The following AMPH variants were observed in gnomAD, a reference collection of about 807,000 sequenced individuals.
AMPH encodes the protein amphiphysin, also known as amphiphysin (Stiff-Mann syndrome with breast cancer 128kD autoantigen).
In AMPH, 49 loss-of-function variants were observed where a neutral mutation model predicts 99.1. That is an observed-to-expected ratio of 0.49 (90% confidence interval 0.39 to 0.63). The LOEUF is 0.63. AMPH is among the 20% of genes least tolerant of loss of function. AMPH has a pLI of 0.00. For missense variants in AMPH, 759 were observed against 863.4 expected, an observed-to-expected ratio of 0.88 and a Z score of 1.52; for synonymous variants, 314 against 317.3, an observed-to-expected ratio of 0.99 and a Z score of 0.11.
intron 20 of AMPH, among the ~76,000 whole-genome samples, chr7:38,385,641 A>C (rs564208450): frequency 6.6e-6 from 1 of 152,346 alleles, no homozygotes; most frequent in Admixed American, 6.5e-5. Flanking sequence ...TATCCTTTAT[A>C]AATTATTCCT....
At chr7:38,541,278 G>GTTT (rs1790801023) in intron 1 of AMPH, among the ~76,000 whole-genome samples, 2 of 148,336 alleles carry the variant, frequency 1.3e-5, no homozygotes, top group African/African-American at 5.0e-5. Context: ...GAGGCCATCA[G>GTTT]GGGAGGTAAG....
chr7:38,437,667 G>C (rs1378763461), intron 11 of AMPH, among the ~76,000 whole-genome samples: 2 of 138,904 alleles, frequency 1.4e-5, no homozygotes, highest in African/African-American at 5.5e-5. Flanking sequence ...AGTTGGGCAT[G>C]GTGGTGCATG....
intron 17 of AMPH, among the ~76,000 whole-genome samples, chr7:38,396,600 T>C (rs1217900341): frequency 6.6e-6 from 1 of 152,228 alleles, no homozygotes; most frequent in East Asian, 1.9e-4. Flanking sequence ...ATGCTGATCA[T>C]TATTGAAGTG....
chr7:38,443,667 CTT>C (rs1177161762), intron 11 of AMPH, among the ~76,000 whole-genome samples: 1 of 152,022 alleles, frequency 6.6e-6, no homozygotes, highest in Non-Finnish European at 1.5e-5. Context: ...GTTTAAAACT[CTT>C]TAAGTAGGAA....
At chr7:38,448,001 T>C (rs1371195201) in intron 11 of AMPH, among the ~76,000 whole-genome samples, 3 of 152,146 alleles carry the variant, frequency 2.0e-5, no homozygotes, top group African/African-American at 7.2e-5. Flanking sequence ...GACAGAGAGG[T>C]TAAATAAAAT....
chr7:38,588,972 A>G (rs1792761410), intron 1 of AMPH, among the ~76,000 whole-genome samples: 1 of 152,194 alleles, frequency 6.6e-6, no homozygotes, highest in Non-Finnish European at 1.5e-5. Context: ...TCAAACAAAT[A>G]TAATTAATTG....
intron 2 of AMPH, among the ~76,000 whole-genome samples, chr7:38,521,446 G>A (rs1216723287): frequency 9.2e-5 from 14 of 152,106 alleles, no homozygotes; most frequent in African/African-American, 2.2e-4. Flanking sequence ...GCTTGAACCC[G>A]GCGGGCAGAG....
At chr7:38,470,138 G>C (rs985943964) in intron 7 of AMPH, among the ~76,000 whole-genome samples, 1 of 151,968 alleles carries the variant, frequency 6.6e-6, no homozygotes, top group African/African-American at 2.4e-5. Flanking sequence ...CTGATCCCCT[G>C]TTTGCCCCAC....
chr7:38,540,087 A>G (rs1406029268), intron 1 of AMPH, among the ~76,000 whole-genome samples: 1 of 152,194 alleles, frequency 6.6e-6, no homozygotes, highest in Non-Finnish European at 1.5e-5. Context: ...GAGGATTACT[A>G]TGTATTTATG....
intron 5 of AMPH, among the ~76,000 whole-genome samples, chr7:38,480,405 C>G (rs6955238): frequency 0.035 from 5,292 of 152,086 alleles, 277 homozygotes; most frequent in African/African-American, 0.12. Flanking sequence ...CTTTGCTCAC[C>G]TCATCCAATC....
intron 1 of AMPH, among the ~76,000 whole-genome samples, chr7:38,597,083 A>C (rs1288321125): frequency 6.6e-6 from 1 of 152,230 alleles, no homozygotes; most frequent in Non-Finnish European, 1.5e-5. Context: ...AGTCAGGATA[A>C]ACCTCTGAGC....
At chr7:38,558,171 T>A (rs1791431023) in intron 1 of AMPH, among the ~76,000 whole-genome samples, 1 of 152,212 alleles carries the variant, frequency 6.6e-6, no homozygotes, top group Non-Finnish European at 1.5e-5. Context: ...AAGTAAAGAA[T>A]CTTCCTGAAC....
At chr7:38,584,595 T>C (rs13242776) in intron 1 of AMPH, among the ~76,000 whole-genome samples, 16,197 of 152,262 alleles carry the variant, frequency 0.11, 1,201 homozygotes, top group Admixed American at 0.21. Flanking sequence ...ATTCCTGAAC[T>C]GGTAGGTCAC....
intron 1 of AMPH, among the ~76,000 whole-genome samples, chr7:38,552,176 A>G (rs1360751274): frequency 6.6e-6 from 1 of 152,238 alleles, no homozygotes; most frequent in Non-Finnish European, 1.5e-5. Context: ...CCCTTTTGTC[A>G]AAAATGAGTA....
At chr7:38,573,975 C>T (rs1792140714) in intron 1 of AMPH, among the ~76,000 whole-genome samples, 1 of 152,182 alleles carries the variant, frequency 6.6e-6, no homozygotes, top group Non-Finnish European at 1.5e-5. Flanking sequence ...TGACCACTTG[C>T]TAATAAGTGG....
chr7:38,385,035 G>A, intron 20 of AMPH, 110 bp from the exon 21 acceptor site: 2 of 961,072 alleles, frequency 2.1e-6, no homozygotes, highest in East Asian at 2.5e-5. Context: ...GAACCAGGAT[G>A]TCACATTACA....
At chr7:38,529,554 C>T (rs1790316758) in intron 2 of AMPH, among the ~76,000 whole-genome samples, 1 of 152,220 alleles carries the variant, frequency 6.6e-6, no homozygotes, top group African/African-American at 2.4e-5. Flanking sequence ...AAACACTGCT[C>T]TGGAGGGCAC....
At chr7:38,536,814 T>G (rs1382527082) in intron 1 of AMPH, among the ~76,000 whole-genome samples, 1 of 152,120 alleles carries the variant, frequency 6.6e-6, no homozygotes, top group Non-Finnish European at 1.5e-5. Flanking sequence ...AGGGTTTCTT[T>G]GAAAGGTGGA....
intron 4 of AMPH, 22 bp downstream of exon 4, chr7:38,494,411 T>A (rs1183118852): frequency 6.2e-7 from 1 of 1,609,456 alleles, no homozygotes; most frequent in Non-Finnish European, 8.5e-7. Context: ...GGGAGCCTCA[T>A]GGAAGCCACC....
Sources: allele counts gnomAD v4.1 joint callset (sites outside exome capture counted in the v4.1 genomes callset), GRCh38; gene constraint gnomAD v4.1.1; transcripts MANE v1.5; gene names NCBI Gene and HGNC (gene_info 2026-07-23, HGNC 2026-07-21).